DLC1: variants seen among roughly 807,000 people sequenced by gnomAD.
DLC1 encodes DLC1 Rho GTPase activating protein.
DLC1 carries 54 observed loss-of-function variants against 140.3 expected under a neutral mutation model. The ratio of observed to expected loss-of-function variants is 0.38; its 90% CI spans 0.31 to 0.48. DLC1 has a LOEUF of 0.48. Ranked by LOEUF, DLC1 falls within the 20% of genes least tolerant of loss-of-function variation. DLC1 has a pLI of 0.96. For missense variants in DLC1, 2,536 were observed against 1,907.0 expected (o/e 1.33, Z -6.14); for synonymous variants, 986 against 728.1 (o/e 1.35, Z -5.70).
intron 5 of DLC1, among the ~76,000 whole-genome samples, chr8:13,128,901 T>TAATTATGATAGCAAGGCAGAACA (rs1821834919): frequency 1.3e-5 from 2 of 150,284 alleles, no homozygotes; most frequent in East Asian, 2.0e-4. Flanking sequence ...TGTTCTCCAT[T>TAATTATGATAGCAAGGCAGAACA]AATTATGATG....
chr8:13,520,275 A>G (rs997612754), intron 1 of DLC1, among the ~76,000 whole-genome samples: 2 of 152,264 alleles, frequency 1.3e-5, no homozygotes, highest in East Asian at 1.9e-4. Flanking sequence ...CATATACACC[A>G]TGGAATACTA....
At chr8:13,377,667 C>T (rs769018421) in intron 4 of DLC1, among the ~76,000 whole-genome samples, 8 of 152,018 alleles carry the variant, frequency 5.3e-5, no homozygotes, top group East Asian at 3.9e-4. Context: ...AGCCCTGAAA[C>T]GTCTATATTT....
chr8:13,374,625 A>G (rs1438401927), intron 4 of DLC1, among the ~76,000 whole-genome samples: 2 of 152,178 alleles, frequency 1.3e-5, no homozygotes, highest in African/African-American at 4.8e-5. Flanking sequence ...TCTGCTAAAA[A>G]TACAAAAATT....
Position 13,485,083 on chromosome 8 carries a change from T to A in DLC1, c.1023+13966A>T, listed in dbSNP as rs1800905961. Among the ~76,000 whole-genome samples the A allele has an allele frequency of 2.0e-5, 3 of 152,224 alleles. No individual in the cohort carries two copies. The South Asian group carries it at 6.2e-4, about 32-fold the overall frequency. On this transcript the variant is annotated intron_variant, in intron 2 of 17. Transcript: ENST00000276297. ...TCCCTAGACAAGGTTATGATTCACC[T>A]TAAGTGTGGTGGCTATTTTAAATCT... is the stretch of plus-strand genomic sequence containing the variant.
chr8:13,565,446 A>G (rs1429440345), intron 1 of DLC1, among the ~76,000 whole-genome samples: 4 of 152,332 alleles, frequency 2.6e-5, no homozygotes, highest in Admixed American at 6.5e-5. Flanking sequence ...ATTGAGCCCT[A>G]TTGGAAATTA....
At chr8:13,387,697 T>C (rs376912273) in intron 4 of DLC1, among the ~76,000 whole-genome samples, 20 of 152,228 alleles carry the variant, frequency 1.3e-4, no homozygotes, top group African/African-American at 4.8e-4. Context: ...TTGGAACAAA[T>C]GCAAATGACA....
At chr8:13,457,427 C>G (rs780122533) in intron 2 of DLC1, among the ~76,000 whole-genome samples, 22 of 151,736 alleles carry the variant, frequency 1.4e-4, no homozygotes, top group African/African-American at 3.1e-4. Context: ...GCCTGTAATC[C>G]CAGCACTTTG....
chr8:13,178,069 C>G (rs761249056), intron 5 of DLC1, among the ~76,000 whole-genome samples: 33 of 152,160 alleles, frequency 2.2e-4, no homozygotes, highest in Middle Eastern at 3.4e-3. Context: ...TAAAATGGTT[C>G]TGGGTCAATC....
At chr8:13,598,781 A>T (rs956569750) in intron 1 of DLC1, among the ~76,000 whole-genome samples, 1 of 151,814 alleles carries the variant, frequency 6.6e-6, no homozygotes, top group African/African-American at 2.4e-5. Context: ...CTCCAAGTCA[A>T]CTCCCTAGTA....
chr8:13,585,562 C>G (rs543882938), intron 1 of DLC1, among the ~76,000 whole-genome samples: 1 of 152,236 alleles, frequency 6.6e-6, no homozygotes, highest in South Asian at 2.1e-4. Flanking sequence ...AACTGGATGT[C>G]AAAACAACAT....
At chr8:13,362,946 A>G (rs878860113) in intron 4 of DLC1, among the ~76,000 whole-genome samples, 1 of 152,022 alleles carries the variant, frequency 6.6e-6, no homozygotes, top group Admixed American at 6.6e-5. Context: ...TACTCCCCAC[A>G]TCTCTGTTTT....
At chr8:13,236,286 C>T (rs191854578) in intron 5 of DLC1, among the ~76,000 whole-genome samples, 3 of 152,118 alleles carry the variant, frequency 2.0e-5, no homozygotes, top group Admixed American at 6.5e-5. Context: ...TAGACTTTAA[C>T]GACTATATTT....
intron 5 of DLC1, among the ~76,000 whole-genome samples, chr8:13,124,480 T>G (rs1434855620): frequency 6.6e-6 from 1 of 152,216 alleles, no homozygotes; most frequent in African/African-American, 2.4e-5. Flanking sequence ...ATGGATCAGA[T>G]GGAAGCACCT....
chr8:13,595,110 G>A (rs1805642414), intron 1 of DLC1, among the ~76,000 whole-genome samples: 1 of 151,910 alleles, frequency 6.6e-6, no homozygotes, highest in Non-Finnish European at 1.5e-5. Context: ...ATGATCACTT[G>A]TGAAATTATA....
At chr8:13,593,288 G>T (rs1805580052) in intron 1 of DLC1, among the ~76,000 whole-genome samples, 2 of 152,092 alleles carry the variant, frequency 1.3e-5, no homozygotes, top group African/African-American at 4.8e-5. Context: ...GAAATTAACT[G>T]CTTCAGTTCT....
At chr8:13,145,191 A>G (rs1475437105) in intron 5 of DLC1, among the ~76,000 whole-genome samples, 1 of 152,190 alleles carries the variant, frequency 6.6e-6, no homozygotes, top group African/African-American at 2.4e-5. Flanking sequence ...CCAGTATCTG[A>G]TGAAACATAT....
chr8:13,325,179 A>G (rs1011158132), intron 4 of DLC1, among the ~76,000 whole-genome samples: 3 of 152,226 alleles, frequency 2.0e-5, no homozygotes, highest in African/African-American at 7.2e-5. Flanking sequence ...GAGAAATCTC[A>G]GAAGTTGGTC....
intron 2 of DLC1, among the ~76,000 whole-genome samples, chr8:13,430,552 G>A (rs1838818730): frequency 6.6e-6 from 1 of 152,120 alleles, no homozygotes; most frequent in South Asian, 2.1e-4. Context: ...TTGTGGTGGT[G>A]CTCACTGTCT....
chr8:13,191,015 T>A (rs1335381804), intron 5 of DLC1, among the ~76,000 whole-genome samples: 1 of 151,550 alleles, frequency 6.6e-6, no homozygotes, highest in East Asian at 1.9e-4. Context: ...GGGGATTATA[T>A]TGGGGGTGAG....
Sources: gnomAD v4.1 joint callset for allele counts (sites outside exome capture counted in the v4.1 genomes callset) on GRCh38, gnomAD v4.1.1 for gene constraint, MANE v1.5 for transcripts, NCBI Gene and HGNC (gene_info 2026-07-23, HGNC 2026-07-21) for gene names.